Variants in OCIAD2 observed in about 807,000 individuals in gnomAD.
OCIAD2 encodes the protein OCIA domain containing 2.
OCIAD2 carries 29 observed loss-of-function variants against 22.9 expected under a neutral mutation model. That is an observed-to-expected ratio of 1.27 (90% CI 0.94 to 1.73). OCIAD2 has a LOEUF of 1.73. OCIAD2 is among the 40% of genes most tolerant of loss of function. The probability of loss-of-function intolerance (pLI) is 0.00; values close to 1 mark genes in which losing one functional copy is unlikely to be tolerated. For synonymous variants in OCIAD2, 67 were observed against 60.2 expected (o/e 1.11, Z -0.52); for missense variants, 189 against 180.3 (o/e 1.05, Z -0.28).
At chr4:48,885,621 T>C (rs1780962237) in intron 6 of OCIAD2, 56 bp from the exon 7 acceptor site, 1 of 858,650 alleles carries the variant, frequency 1.2e-6, no homozygotes, top group African/African-American at 1.7e-5. Flanking sequence ...GAAGCCCTAG[T>C]CTTTACATAA....
At chr4:48,893,059 G>A in intron 5 of OCIAD2, 170 bp from the exon 6 acceptor site, 1 of 478,818 alleles carries the variant, frequency 2.1e-6, no homozygotes, top group South Asian at 3.3e-5. Context: ...TTGGGAACTG[G>A]AGACTTCCCC....
intron 2 of OCIAD2, among the ~76,000 whole-genome samples, chr4:48,903,635 GTT>G (rs35445469): frequency 2.8e-4 from 37 of 133,480 alleles, no homozygotes; most frequent in African/African-American, 8.0e-4. Context: ...TAAAGAAAGG[GTT>G]TTTTTTTTTT....
At chr4:48,903,673 G>GTTTTT in intron 2 of OCIAD2, among the ~76,000 whole-genome samples, 1 of 140,526 alleles carries the variant, frequency 7.1e-6, no homozygotes, top group Non-Finnish European at 1.5e-5. Context: ...TTGAGACAGA[G>GTTTTT]TCTCGCTCTG....
intron 3 of OCIAD2, 119 bp from the exon 4 acceptor site, chr4:48,897,976 A>C (rs1338588149): frequency 1.4e-6 from 1 of 709,320 alleles, no homozygotes; most frequent in Non-Finnish European, 2.5e-6. Context: ...ATTTTTATTC[A>C]TTTGTTATTT....
At chr4:48,888,303 CT>C (rs1781054281) in intron 6 of OCIAD2, among the ~76,000 whole-genome samples, 1 of 152,178 alleles carries the variant, frequency 6.6e-6, no homozygotes, top group African/African-American at 2.4e-5. Flanking sequence ...CTGACTTCCT[CT>C]TTTCCTAATT....
intron 2 of OCIAD2, among the ~76,000 whole-genome samples, chr4:48,903,473 AAAAAATAAATGAAAGG>A (rs1781461784): frequency 6.6e-6 from 1 of 152,086 alleles, no homozygotes; most frequent in Non-Finnish European, 1.5e-5. Flanking sequence ...CCCCATCTCT[AAAAAATAAATGAAAGG>A]ATAAATAAAA....
At chr4:48,891,100 G>C (rs1226764128) in intron 6 of OCIAD2, among the ~76,000 whole-genome samples, 1 of 151,972 alleles carries the variant, frequency 6.6e-6, no homozygotes, top group African/African-American at 2.4e-5. Context: ...TACTATTCCT[G>C]GCCCAGAATC....
intron 6 of OCIAD2, among the ~76,000 whole-genome samples, chr4:48,888,582 T>C (rs1781065362): frequency 6.6e-6 from 1 of 152,216 alleles, no homozygotes; most frequent in Admixed American, 6.5e-5. Context: ...TTTCTGCATC[T>C]ATTGAGATAA....
chr4:48,897,900 T>C, intron 3 of OCIAD2, 43 bp from the exon 4 acceptor site: 1 of 1,432,634 alleles, frequency 7.0e-7, no homozygotes, highest in Non-Finnish European at 9.8e-7. Context: ...TTTTAAAAAT[T>C]GGCACCTCAC....
chr4:48,887,744 T>G (rs1298861706), intron 6 of OCIAD2, among the ~76,000 whole-genome samples: 1 of 152,186 alleles, frequency 6.6e-6, no homozygotes, highest in Non-Finnish European at 1.5e-5. Flanking sequence ...ACTGTAGACT[T>G]GTAGTATAGT....
In OCIAD2 at chr4:48,896,639, C is replaced by G. The variant is rs978331465; in HGVS notation, c.217+1165G>C. The stretch of plus-strand genomic sequence containing the variant: ...CAAAACCCCAAGATCCCCATAAAGT[C>G]CTGATAATCAGAAGCCAGGCATGGT... On this transcript the variant is annotated intron_variant, in intron 4 of 6. Coordinates refer to ENST00000508632, the MANE Select transcript of OCIAD2 (RefSeq NM_001014446.3). 1.7e-4 allele frequency among the ~76,000 whole-genome samples: 26 copies of G among 151,898 alleles called. 1 individual carries two copies. Among genetic ancestry groups the G allele is most frequent in the African/African-American group, 6.3e-4 (26 of 41,340 alleles).
At position 48,892,909 on chromosome 4, in the gene OCIAD2, G is replaced by A; in HGVS notation, c.266-20C>T. 8.2e-7 allele frequency: 1 copy of A among 1,221,320 alleles called. No individual in the cohort carries two copies. Among genetic ancestry groups the A allele is most frequent in the Non-Finnish European group, 1.2e-6 (1 of 846,660 alleles). 75.7% of individuals were successfully genotyped at this position (1,221,320 alleles called of 1,614,324 possible). A position where few individuals can be genotyped will look rare whatever the true frequency, so the allele number is the denominator to read the frequency against. ...CAGCAACTGTAAAAGCAGGTTGGGA[G>A]AGATTAGTTGAGAATCTTCTCCATT... On this transcript the variant is annotated intron_variant, in intron 5 of 6. Coordinates refer to ENST00000508632, the MANE Select transcript of OCIAD2 (RefSeq NM_001014446.3).
At chr4:48,889,305 A>AT (rs1294622434) in intron 6 of OCIAD2, among the ~76,000 whole-genome samples, 3 of 152,124 alleles carry the variant, frequency 2.0e-5, no homozygotes, top group East Asian at 3.8e-4. Context: ...GGATTCATTG[A>AT]TTTTTTGAAG....
intron 6 of OCIAD2, among the ~76,000 whole-genome samples, chr4:48,886,198 C>A (rs1294272532): frequency 1.3e-5 from 2 of 152,214 alleles, no homozygotes; most frequent in African/African-American, 2.4e-5. Context: ...TTCCTTATTT[C>A]TTGTTTTTGT....
chr4:48,890,615 T>C (rs1781143005), intron 6 of OCIAD2, among the ~76,000 whole-genome samples: 2 of 152,190 alleles, frequency 1.3e-5, no homozygotes, highest in Non-Finnish European at 2.9e-5. Flanking sequence ...CCAAGGAAAA[T>C]GCACAGGTTC....
chr4:48,900,244 A>G (rs1232712213), intron 2 of OCIAD2, among the ~76,000 whole-genome samples: 3 of 152,150 alleles, frequency 2.0e-5, no homozygotes, highest in South Asian at 4.1e-4. Context: ...CCATGCCTCT[A>G]TGTGGTTTAC....
chr4:48,889,633 T>C (rs1056534054), intron 6 of OCIAD2, among the ~76,000 whole-genome samples: 3 of 152,240 alleles, frequency 2.0e-5, no homozygotes, highest in East Asian at 1.9e-4. Flanking sequence ...TGTGGAGAAA[T>C]AGGAACACTT....
intron 1 of OCIAD2, among the ~76,000 whole-genome samples, chr4:48,905,425 T>TAAAA (rs371603094): frequency 7.3e-6 from 1 of 136,614 alleles, no homozygotes; most frequent in Non-Finnish European, 1.6e-5. Flanking sequence ...GAAGAAAGAT[T>TAAAA]AAAAAAAAAA....
At position 48,902,952 on chromosome 4, in the gene OCIAD2, C is replaced by CA. The variant is rs1032894762; in HGVS notation, c.66+1531dup. On this transcript the variant is annotated intron_variant, in intron 2 of 6. Coordinates refer to ENST00000508632, the MANE Select transcript of OCIAD2 (RefSeq NM_001014446.3). ...TGGATGACAGAGTGAGACTCCATCT[C>CA]AAAAAAAAAGGATCTCTGGTTATCA... 8.8e-4 allele frequency among the ~76,000 whole-genome samples: 131 copies of CA among 149,562 alleles called. 1 individual carries two copies. The East Asian group carries it at 0.02, about 22-fold the overall frequency.
Sources: allele counts gnomAD v4.1 joint callset (sites outside exome capture counted in the v4.1 genomes callset), GRCh38; gene constraint gnomAD v4.1.1; transcripts MANE v1.5; gene names NCBI Gene and HGNC (gene_info 2026-07-23, HGNC 2026-07-21).